ZFYVE16: variants seen among roughly 807,000 people sequenced by gnomAD.
ZFYVE16 encodes zinc finger FYVE domain-containing protein 16.
In ZFYVE16, 89 loss-of-function variants were observed where a neutral mutation model predicts 138.1. The observed-to-expected ratio is 0.64, with a 90% CI of 0.54 to 0.77. The LOEUF is 0.77. Ranked by LOEUF, ZFYVE16 falls within the 30% of genes least tolerant of loss-of-function variation. ZFYVE16 has a pLI of 0.00. For missense variants in ZFYVE16, 1,793 were observed against 1,786.7 expected, an observed-to-expected ratio of 1.00 and a Z score of -0.06; for synonymous variants, 596 against 618.3, an observed-to-expected ratio of 0.96 and a Z score of 0.53.
rs549377486 is a variant in ZFYVE16 at position 80,440,917 on chromosome 5, A to G, written c.2419+885A>G. ...TGAATGAAGATAACTTTTTTCAGCA[A>G]TTCTCCAAAAAGCTCTGATGTGAGT... On this transcript the variant is annotated intron_variant, in intron 5 of 18. Coordinates refer to ENST00000505560, the MANE Select transcript of ZFYVE16 (RefSeq NM_001284236.3). 58 of 985,254 alleles carry G rather than the reference A, an allele frequency of 5.9e-5. No homozygotes were observed. In the East Asian group the frequency reaches 1.4e-3, roughly 23 times the overall value. 61.0% of individuals were successfully genotyped at this position (985,254 alleles called of 1,614,324 possible). A position where few individuals can be genotyped will look rare whatever the true frequency, so the allele number is the denominator to read the frequency against.
chr5:80,445,027 A>G (rs1363092707), intron 6 of ZFYVE16, among the ~76,000 whole-genome samples: 1 of 152,042 alleles, frequency 6.6e-6, no homozygotes, highest in Non-Finnish European at 1.5e-5. Flanking sequence ...ATTCCTTTTC[A>G]TAGTATATGA....
intron 15 of ZFYVE16, among the ~76,000 whole-genome samples, chr5:80,465,337 A>G (rs1446205347): frequency 7.3e-6 from 1 of 137,804 alleles, no homozygotes; most frequent in Non-Finnish European, 1.6e-5. Flanking sequence ...TTCATTTAGC[A>G]CTTTGAATAT....
intron 1 of ZFYVE16, among the ~76,000 whole-genome samples, 170 bp from the exon 2 acceptor site, chr5:80,427,318 TTTTG>T (rs1333784514): frequency 6.6e-6 from 1 of 152,168 alleles, no homozygotes. Flanking sequence ...GAGTGGTATG[TTTTG>T]TTTTTGTCTT....
chr5:80,411,134 ATT>A (rs58086060), intron 1 of ZFYVE16, among the ~76,000 whole-genome samples: 1 of 95,232 alleles, frequency 1.1e-5, no homozygotes, highest in African/African-American at 4.0e-5. Flanking sequence ...CGCCCAGCTA[ATT>A]TTTTTTTTTT....
intron 1 of ZFYVE16, chr5:80,410,353 C>T (rs1389327503): frequency 1.3e-5 from 2 of 151,980 alleles, no homozygotes; most frequent in Admixed American, 1.3e-4. Context: ...ACACCCTTAC[C>T]AACATCGAGT....
At position 80,477,340 on chromosome 5, in the gene ZFYVE16, T is replaced by C. The variant is rs1392032245; in HGVS notation, c.4583T>C (p.Ile1528Thr). The C allele has an allele frequency of 1.2e-6, 2 of 1,609,110 alleles. No homozygotes were observed. Among genetic ancestry groups the C allele is most frequent in the East Asian group, 4.5e-5 (2 of 44,506 alleles). Residue 1528 changes from isoleucine (I) to threonine (T), a missense_variant, in exon 19 of 19, where the codon ATA becomes ACA. By Grantham distance (89) the Ile-to-Thr change is moderately conservative. Around this residue, in one of 2 missense-constraint regions of ZFYVE16, gnomAD observed 498 missense variants for 582.4 expected, o/e 0.86. Coordinates refer to ENST00000505560, the MANE Select transcript of ZFYVE16 (RefSeq NM_001284236.3). ...GTSNSSLPLE[I>T]ELVFFIIEHL... Reference sequence around the variant, plus strand: ...TCCAACTCTAGTTTACCATTAGAAATAGAATTAGTGTTTTTCATTATAGAA... The same window carrying C: ...TCCAACTCTAGTTTACCATTAGAAACAGAATTAGTGTTTTTCATTATAGAA...
intron 1 of ZFYVE16, among the ~76,000 whole-genome samples, chr5:80,418,749 T>A (rs560697257): frequency 6.6e-6 from 1 of 152,266 alleles, no homozygotes; most frequent in African/African-American, 2.4e-5. Flanking sequence ...TTTTGCAGAG[T>A]GCAAGTTTTA....
intron 15 of ZFYVE16, among the ~76,000 whole-genome samples, chr5:80,459,741 C>T (rs1273696413): frequency 6.6e-6 from 1 of 152,116 alleles, no homozygotes; most frequent in African/African-American, 2.4e-5. Context: ...TTTGTATATA[C>T]ATCTGCCTAA....
rs1308513457 is a variant in ZFYVE16 at position 80,437,748 on chromosome 5, G to T, written c.1063G>T (p.Asp355Tyr). The change falls in exon 4 of 19, where the codon GAT becomes TAT. Residue 355 changes from aspartate to tyrosine, a missense_variant. Transcript: ENST00000505560. ...AAAAAGTTTAGACCTTAAGGATAAT[G>T]ATGTAATCCAAGATTCCTCTTCAGC... is the stretch of plus-strand genomic sequence containing the variant. ...DSKSLDLKDNDVIQDSSSALH... is the reference protein window; with the variant it reads ...DSKSLDLKDNYVIQDSSSALH... The T allele has an allele frequency of 6.2e-7, 1 of 1,614,130 alleles. No individual in the cohort carries two copies. Among genetic ancestry groups the T allele is most frequent in the Admixed American group, 1.7e-5 (1 of 60,026 alleles).
At position 80,473,827 on chromosome 5, in the gene ZFYVE16, G is replaced by A; in HGVS notation, c.4261G>A (p.Glu1421Lys). The A allele has an allele frequency of 6.2e-7, 1 of 1,613,290 alleles. No homozygotes were observed. Among genetic ancestry groups the A allele is most frequent in the Non-Finnish European group, 8.5e-7 (1 of 1,179,514 alleles). ...SEKIKLEADF[E>K]TDEKIVKCTE... ...AAAAATAAAACTGGAAGCAGATTTT[G>A]AAACCGATGAGAAGATTGTAAAATG... The change falls in exon 17 of 19, where the codon GAA becomes AAA. Residue 1421 changes from glutamate to lysine, a missense_variant. Glu to Lys is a moderately conservative substitution (Grantham distance 56). Transcript: ENST00000505560.
intron 18 of ZFYVE16, among the ~76,000 whole-genome samples, chr5:80,476,056 TC>T (rs1372114114): frequency 6.6e-6 from 1 of 152,004 alleles, no homozygotes; most frequent in African/African-American, 2.4e-5. Flanking sequence ...CAATTCTCCT[TC>T]CTCAGCCTCC....
At chr5:80,470,483 G>A (rs1754262348) in intron 15 of ZFYVE16, among the ~76,000 whole-genome samples, 1 of 151,778 alleles carries the variant, frequency 6.6e-6, no homozygotes, top group African/African-American at 2.4e-5. Flanking sequence ...TTTGCCGAAG[G>A]GGTCACATTT....
rs927074303 is a variant in ZFYVE16 at position 80,437,085 on chromosome 5, G to A, written c.400G>A (p.Gly134Ser). 5.6e-6 allele frequency: 9 copies of A among 1,613,916 alleles called. No individual in the cohort carries two copies. Among genetic ancestry groups the A allele is most frequent in the Non-Finnish European group, 7.6e-6 (9 of 1,179,992 alleles). Residue 134 changes from glycine (G) to serine (S), a missense_variant, in exon 4 of 19, where the codon GGT becomes AGT. Coordinates refer to ENST00000505560, the MANE Select transcript of ZFYVE16 (RefSeq NM_001284236.3). ...KPICDLISDM[G>S]NLVHATNSEE... ...TATCTGTGATCTGATAAGTGACATG[G>A]GTAACTTAGTTCATGCAACCAATAG... is the stretch of plus-strand genomic sequence containing the variant.
At chr5:80,459,539 TC>T (rs1752889606) in intron 15 of ZFYVE16, 45 bp downstream of exon 15, 1 of 1,520,794 alleles carries the variant, frequency 6.6e-7, no homozygotes, top group Admixed American at 1.8e-5. Flanking sequence ...GAGTTATTTT[TC>T]CTAACCTTTG....
chr5:80,477,648 T>A lies in ZFYVE16; in HGVS notation c.*271T>A, dbSNP rs1396326278. The A allele has an allele frequency of 3.9e-6, 1 of 257,008 alleles. No individual in the cohort carries two copies. Among genetic ancestry groups the A allele is most frequent in the African/African-American group, 2.2e-5 (1 of 44,452 alleles). 15.9% of individuals were successfully genotyped at this position (257,008 alleles called of 1,614,324 possible). On this transcript the variant is annotated 3_prime_UTR_variant, in exon 19 of 19. Transcript: ENST00000505560. ...CTTTTAAGAAATTTATAGCATTTAC[T>A]GTGTTATTTAAATGCTAAGCCAAAG... is the stretch of plus-strand genomic sequence containing the variant.
intron 12 of ZFYVE16, chr5:80,456,138 T>C (rs1752506643): frequency 3.4e-6 from 1 of 293,904 alleles, no homozygotes; most frequent in South Asian, 5.2e-5. Context: ...ATTATGGCCT[T>C]AGTTTTCTCA....
chr5:80,412,604 A>G (rs191570108), intron 1 of ZFYVE16, among the ~76,000 whole-genome samples: 44 of 152,286 alleles, frequency 2.9e-4, no homozygotes, highest in African/African-American at 1.1e-3. Context: ...CTGAAATTAC[A>G]TAATGCTTAG....
At chr5:80,426,375 G>A (rs1748080487) in intron 1 of ZFYVE16, among the ~76,000 whole-genome samples, 1 of 151,638 alleles carries the variant, frequency 6.6e-6, no homozygotes, top group Non-Finnish European at 1.5e-5. Flanking sequence ...GTGGTTTGCT[G>A]CACCTGTCAA....
intron 1 of ZFYVE16, among the ~76,000 whole-genome samples, chr5:80,408,785 G>A (rs1035253765): frequency 1.2e-4 from 18 of 152,224 alleles, no homozygotes; most frequent in Non-Finnish European, 1.0e-4. Context: ...GACTAAGGAT[G>A]TTCTTTCTTA....
Sources: gnomAD v4.1 joint callset for allele counts (sites outside exome capture counted in the v4.1 genomes callset) on GRCh38, gnomAD v4.1.1 for gene constraint, gnomAD v4.1.1 regional missense constraint, MANE v1.5 for transcripts, NCBI Gene and HGNC (gene_info 2026-07-23, HGNC 2026-07-21) for gene names.